The following DLGAP2 variants were observed in gnomAD, a reference collection of about 807,000 sequenced individuals.
The protein encoded by DLGAP2 is disks large-associated protein 2.
Under a neutral mutation model 100.3 loss-of-function variants are expected in DLGAP2, and 26 were observed. That is an observed-to-expected ratio of 0.26 (90% CI 0.19 to 0.36). DLGAP2 has a LOEUF of 0.36. Ranked by LOEUF, DLGAP2 falls within the 10% of genes least tolerant of loss-of-function variation. DLGAP2 has a pLI of 1.00. For missense variants in DLGAP2, 1,858 were observed against 1,453.2 expected, an observed-to-expected ratio of 1.28 and a Z score of -4.53; for synonymous variants, 886 against 630.1, an observed-to-expected ratio of 1.41 and a Z score of -6.08.
At chr8:1,515,038 C>T (rs1800314520) in intron 4 of DLGAP2, among the ~76,000 whole-genome samples, 1 of 151,504 alleles carries the variant, frequency 6.6e-6, no homozygotes, top group South Asian at 2.1e-4. Context: ...TGCAGGGAGA[C>T]CAACGTGCAG....
intron 1 of DLGAP2, among the ~76,000 whole-genome samples, chr8:861,770 C>T (rs1762584207): frequency 6.6e-6 from 1 of 152,162 alleles, no homozygotes; most frequent in African/African-American, 2.4e-5. Context: ...CAGCTTGTCC[C>T]ATTTTGCAGG....
At chr8:1,652,367 C>A (rs778545465) in intron 8 of DLGAP2, among the ~76,000 whole-genome samples, 18 of 152,178 alleles carry the variant, frequency 1.2e-4, no homozygotes, top group Non-Finnish European at 1.9e-4. Context: ...GTTTTCCTCG[C>A]TGCTGAATTC....
chr8:874,710 T>C (rs1421682728), intron 1 of DLGAP2, among the ~76,000 whole-genome samples: 2 of 152,198 alleles, frequency 1.3e-5, no homozygotes, highest in Non-Finnish European at 2.9e-5. Context: ...GAATGTTGTA[T>C]TGGTGATTGC....
chr8:752,436 G>T (rs760716085), intron 1 of DLGAP2, among the ~76,000 whole-genome samples: 10 of 152,224 alleles, frequency 6.6e-5, no homozygotes, highest in Non-Finnish European at 1.3e-4. Context: ...CCACAGTCAG[G>T]CAAGAAGCAC....
chr8:1,536,217 C>G (rs56312410), intron 4 of DLGAP2, among the ~76,000 whole-genome samples: 1 of 152,076 alleles, frequency 6.6e-6, no homozygotes, highest in Non-Finnish European at 1.5e-5. Flanking sequence ...TGGGCACCTA[C>G]AAGCCATCTG....
chr8:748,847 G>A (rs192397249), intron 1 of DLGAP2, among the ~76,000 whole-genome samples: 90 of 152,298 alleles, frequency 5.9e-4, no homozygotes, highest in East Asian at 5.0e-3. Context: ...TGTGCGGCGC[G>A]GAGACCTTTC....
At chr8:1,256,181 T>C (rs1384611265) in intron 2 of DLGAP2, among the ~76,000 whole-genome samples, 2 of 117,702 alleles carry the variant, frequency 1.7e-5, no homozygotes, top group African/African-American at 3.3e-5. Flanking sequence ...TCATCCTGCC[T>C]GGGTGCTGTG....
At chr8:1,410,363 TCC>T (rs1235900711) in intron 3 of DLGAP2, among the ~76,000 whole-genome samples, 1 of 152,054 alleles carries the variant, frequency 6.6e-6, no homozygotes, top group Non-Finnish European at 1.5e-5. Flanking sequence ...GGTGAGGAGC[TCC>T]CAGCAGAGCA....
intron 2 of DLGAP2, among the ~76,000 whole-genome samples, chr8:1,022,537 C>T (rs971075858): frequency 1.3e-5 from 2 of 149,314 alleles, no homozygotes; most frequent in Middle Eastern, 6.8e-3. Flanking sequence ...CACCCATCCT[C>T]CCTGGGAGTG....
At position 794,928 on chromosome 8, in the gene DLGAP2, C is replaced by G. The variant is rs535416157; in HGVS notation, c.18+57103C>G. On this transcript the variant is annotated intron_variant, in intron 1 of 14. Coordinates refer to ENST00000637795, the MANE Select transcript of DLGAP2 (RefSeq NM_001346810.2). ...GTGGCGTGAGTGAGGTTGGGATGAG[C>G]TGCCATTTGTGTTATGCGTGTGGCT... Among the ~76,000 whole-genome samples, 33 of 152,318 alleles carry G rather than the reference C, an allele frequency of 2.2e-4. No homozygotes were observed. In the South Asian group the frequency reaches 5.6e-3, roughly 26 times the overall value.
At chr8:1,311,724 A>G (rs1402941999) in intron 3 of DLGAP2, among the ~76,000 whole-genome samples, 1 of 152,202 alleles carries the variant, frequency 6.6e-6, no homozygotes, top group African/African-American at 2.4e-5. Flanking sequence ...AACTCTTATA[A>G]AATTAGAAGT....
chr8:1,681,798 C>G (rs1393049254), intron 12 of DLGAP2, among the ~76,000 whole-genome samples: 2 of 152,224 alleles, frequency 1.3e-5, no homozygotes, highest in Non-Finnish European at 2.9e-5. Flanking sequence ...AACTGGGGCT[C>G]TGAGAGATTA....
intron 8 of DLGAP2, among the ~76,000 whole-genome samples, chr8:1,661,451 C>A (rs769755527): frequency 5.9e-5 from 9 of 152,156 alleles, no homozygotes; most frequent in Admixed American, 1.3e-4. Context: ...GCGAGTATTG[C>A]CAGGGAAGAA....
intron 2 of DLGAP2, among the ~76,000 whole-genome samples, chr8:1,238,424 T>C (rs1458939234): frequency 2.9e-5 from 3 of 101,962 alleles, no homozygotes; most frequent in South Asian, 4.5e-4. Context: ...TCTCACATGG[T>C]GCCGTTTCTA....
At chr8:1,546,623 G>C (rs1421854264) in intron 4 of DLGAP2, among the ~76,000 whole-genome samples, 1 of 152,148 alleles carries the variant, frequency 6.6e-6, no homozygotes, top group African/African-American at 2.4e-5. Flanking sequence ...TTACCTGGAG[G>C]GTTGGGGTTG....
intron 1 of DLGAP2, among the ~76,000 whole-genome samples, chr8:798,842 C>G: frequency 6.7e-6 from 1 of 149,290 alleles, no homozygotes; most frequent in East Asian, 2.0e-4. Context: ...TGAAAGCAAA[C>G]GCTTGTTGAG....
intron 8 of DLGAP2, among the ~76,000 whole-genome samples, chr8:1,652,627 C>T (rs1798193236): frequency 1.3e-5 from 2 of 152,028 alleles, no homozygotes; most frequent in South Asian, 4.1e-4. Flanking sequence ...GTAGGCGGTC[C>T]GTAGATTTTT....
chr8:1,331,575 G>C (rs1415008308), intron 3 of DLGAP2, among the ~76,000 whole-genome samples: 2 of 152,126 alleles, frequency 1.3e-5, no homozygotes, highest in South Asian at 2.1e-4. Context: ...ATCCACCTCG[G>C]TGTTTAATAA....
intron 3 of DLGAP2, among the ~76,000 whole-genome samples, chr8:1,319,038 A>T (rs1800834655): frequency 6.7e-6 from 1 of 150,316 alleles, no homozygotes; most frequent in African/African-American, 2.4e-5. Flanking sequence ...TCGGTGGCGA[A>T]CAATGGGCTC....
Sources: allele counts gnomAD v4.1 joint callset (sites outside exome capture counted in the v4.1 genomes callset), GRCh38; gene constraint gnomAD v4.1.1; transcripts MANE v1.5; gene names NCBI Gene and HGNC (gene_info 2026-07-23, HGNC 2026-07-21).